ENTPD6: variants seen among roughly 807,000 people sequenced by gnomAD.
ENTPD6 encodes the protein ectonucleoside triphosphate diphosphohydrolase 6.
A neutral mutation model predicts 61.5 loss-of-function variants in ENTPD6; 46 were observed. The observed-to-expected ratio is 0.75, with a 90% CI of 0.59 to 0.96. The LOEUF is 0.96. ENTPD6 is among the 40% of genes least tolerant of loss of function. ENTPD6 has a pLI of 0.00. For missense variants in ENTPD6, 612 were observed against 629.0 expected (o/e 0.97, Z 0.29); for synonymous variants, 252 against 255.5 (o/e 0.99, Z 0.13).
At chr20:25,218,797 G>C (rs935550880) in intron 10 of ENTPD6, among the ~76,000 whole-genome samples, 183 bp downstream of exon 10, 4 of 152,274 alleles carry the variant, frequency 2.6e-5, no homozygotes, top group African/African-American at 9.6e-5. Flanking sequence ...TGCGAGTGGA[G>C]GGGTGTGCTG....
rs750786416 is a variant in ENTPD6 at position 25,209,928 on chromosome 20, A to G, written c.453+3A>G. 10 of 1,612,938 alleles carry G rather than the reference A, an allele frequency of 6.2e-6. No homozygotes were observed. Among genetic ancestry groups the G allele is most frequent in the Admixed American group, 1.7e-5 (1 of 60,030 alleles). ...CCTATGCTGATGATGTTGAAAAGGT[A>G]AGGATCCTCTCCCGTGTCTCCCTGT... On this transcript the variant is annotated splice_donor_region_variant and intron_variant, in intron 4 of 14. Coordinates refer to ENST00000376652, the MANE Select transcript of ENTPD6 (RefSeq NM_001247.5).
Position 25,205,865 on chromosome 20 carries a change from C to T in ENTPD6, c.-15-657C>T, listed in dbSNP as rs893437835. Among the ~76,000 whole-genome samples the T allele has an allele frequency of 3.3e-5, 5 of 152,198 alleles. No individual in the cohort carries two copies. In the East Asian group the frequency reaches 9.6e-4, roughly 29 times the overall value. On this transcript the variant is annotated intron_variant, in intron 1 of 14. Coordinates refer to ENST00000376652, the MANE Select transcript of ENTPD6 (RefSeq NM_001247.5). ...GGAGGGGCCAGGAATGGCCTGCTCC[C>T]CGTGCTTTGCCCCGCGGGCCCTGTC... is the stretch of plus-strand genomic sequence containing the variant.
At chr20:25,210,740 G>A (rs1005866563) in intron 4 of ENTPD6, among the ~76,000 whole-genome samples, 1 of 152,014 alleles carries the variant, frequency 6.6e-6, no homozygotes, top group African/African-American at 2.4e-5. Flanking sequence ...TCAGGAGTTC[G>A]AGACCAAGCT....
chr20:25,213,370 G>C lies in ENTPD6; in HGVS notation c.561G>C (p.Leu187=). 6.2e-7 allele frequency: 1 copy of C among 1,613,650 alleles called. No homozygotes were observed. The highest frequency in any genetic ancestry group is 8.5e-7 in the Non-Finnish European group (1 of 1,179,704). The change falls in exon 5 of 15, where the codon CTG becomes CTC. Residue 187 remains leucine, a synonymous_variant. Coordinates refer to ENST00000376652, the MANE Select transcript of ENTPD6 (RefSeq NM_001247.5). ...LVLKATAGLR[L]LPGEKAQKLL... ...TCAAGGCCACAGCTGGCTTACGCCT[G>C]TTACCTGGAGAAAAGGCCCAGAAGT... is the stretch of plus-strand genomic sequence containing the variant.
intron 5 of ENTPD6, among the ~76,000 whole-genome samples, chr20:25,214,476 C>A (rs1019659658): frequency 6.6e-6 from 1 of 152,210 alleles, no homozygotes; most frequent in Non-Finnish European, 1.5e-5. Context: ...CAGCTTCCCC[C>A]AGTCTATGCA....
chr20:25,220,722 C>T (rs1033164679), intron 10 of ENTPD6, among the ~76,000 whole-genome samples: 2 of 152,268 alleles, frequency 1.3e-5, no homozygotes, highest in African/African-American at 2.4e-5. Context: ...CAGCACCTTT[C>T]GGTGGGACAG....
At chr20:25,221,123 A>T in intron 10 of ENTPD6, 109 bp from the exon 11 acceptor site, 1 of 771,252 alleles carries the variant, frequency 1.3e-6, no homozygotes, top group Non-Finnish European at 2.1e-6. Flanking sequence ...GAAGCCACTC[A>T]GCTTCCCCCA....
intron 5 of ENTPD6, 26 bp downstream of exon 5, chr20:25,213,432 A>G (rs919734415): frequency 6.3e-7 from 1 of 1,581,736 alleles, no homozygotes; most frequent in Admixed American, 1.7e-5. Context: ...CCCCAGTGCC[A>G]TTAGCCAGCC....
intron 11 of ENTPD6, chr20:25,221,902 G>A (rs923548601): frequency 1.7e-5 from 3 of 181,376 alleles, no homozygotes; most frequent in Non-Finnish European, 1.2e-5. Flanking sequence ...CCGGGGGGCC[G>A]CATCAGGCAC....
At chr20:25,199,265 G>A (rs1055586253) in intron 1 of ENTPD6, among the ~76,000 whole-genome samples, 1 of 152,230 alleles carries the variant, frequency 6.6e-6, no homozygotes, top group African/African-American at 2.4e-5. Context: ...AGCTCCGCCA[G>A]CACATTTCAG....
chr20:25,218,824 C>T (rs912010880), intron 10 of ENTPD6, among the ~76,000 whole-genome samples: 1 of 152,336 alleles, frequency 6.6e-6, no homozygotes, highest in Admixed American at 6.5e-5. Flanking sequence ...TTGTTGGTGG[C>T]ACCCTGATGG....
chr20:25,215,218 T>G (rs2092249160), intron 6 of ENTPD6, among the ~76,000 whole-genome samples: 1 of 152,188 alleles, frequency 6.6e-6, no homozygotes, highest in Admixed American at 6.5e-5. Context: ...AAACATTGTG[T>G]TTTTAGTTTT....
At chr20:25,213,162 C>G in intron 4 of ENTPD6, 101 bp from the exon 5 acceptor site, 2 of 1,372,334 alleles carry the variant, frequency 1.5e-6, no homozygotes, top group Non-Finnish European at 2.1e-6. Context: ...CAGTGAGACT[C>G]TGTCTCCAGA....
intron 6 of ENTPD6, among the ~76,000 whole-genome samples, chr20:25,215,429 G>A (rs532541460): frequency 6.6e-6 from 1 of 152,314 alleles, no homozygotes; most frequent in Admixed American, 6.5e-5. Context: ...GTAATAACCA[G>A]AGGAGAGACG....
chr20:25,205,634 G>A (rs548025313), intron 1 of ENTPD6, among the ~76,000 whole-genome samples: 87 of 152,344 alleles, frequency 5.7e-4, no homozygotes, highest in African/African-American at 1.8e-3. Flanking sequence ...GGGGCTGCAC[G>A]TTGGCACCTG....
chr20:25,213,404 A>G lies in ENTPD6; in HGVS notation c.595A>G (p.Lys199Glu). The change falls in exon 5 of 15, where the codon AAG (lysine) becomes GAG (glutamate). Residue 199 changes from lysine to glutamate, a missense_variant and splice_region_variant. Physicochemically the swap from Lys to Glu is moderately conservative, Grantham distance 56 (BLOSUM62 1). Transcript: ENST00000376652. The stretch of plus-strand genomic sequence containing the variant: ...AGAAAAGGCCCAGAAGTTACTGCAG[A>G]AGGTGAGCCTGGCCATTCCCCAGTG... ...PGEKAQKLLQ[K>E]VKKVFKASPF... 1 of 1,605,042 alleles carries G rather than the reference A, an allele frequency of 6.2e-7. No individual in the cohort carries two copies. The highest frequency in any genetic ancestry group is 8.5e-7 in the Non-Finnish European group (1 of 1,174,798).
At chr20:25,199,256 G>T (rs1471894320) in intron 1 of ENTPD6, among the ~76,000 whole-genome samples, 3 of 152,212 alleles carry the variant, frequency 2.0e-5, no homozygotes, top group African/African-American at 7.2e-5. Context: ...CAAGGGAGGA[G>T]CTCCGCCAGC....
chr20:25,211,201 C>T (rs939506020), intron 4 of ENTPD6, among the ~76,000 whole-genome samples: 9 of 152,198 alleles, frequency 5.9e-5, no homozygotes, highest in South Asian at 2.1e-4. Flanking sequence ...TGTCCACAAA[C>T]GTGTCATGGT....
At chr20:25,210,978 C>T (rs1031926115) in intron 4 of ENTPD6, among the ~76,000 whole-genome samples, 1 of 152,166 alleles carries the variant, frequency 6.6e-6, no homozygotes, top group Non-Finnish European at 1.5e-5. Flanking sequence ...ATCCACAAAA[C>T]CAAATAAATC....
Sources: allele counts gnomAD v4.1 joint callset (sites outside exome capture counted in the v4.1 genomes callset), GRCh38; gene constraint gnomAD v4.1.1; transcripts MANE v1.5; gene names NCBI Gene and HGNC (gene_info 2026-07-23, HGNC 2026-07-21).